MUC22: variants seen among roughly 807,000 people sequenced by gnomAD.
MUC22 encodes the protein mucin-22.
Under a neutral mutation model 40.3 loss-of-function variants are expected in MUC22, and 24 were observed. That is an observed-to-expected ratio of 0.60 (90% CI 0.43 to 0.84). The LOEUF (loss-of-function observed/expected upper bound fraction) is 0.84. Among genes scored for constraint, MUC22 ranks in the 40% least tolerant of loss-of-function variants. MUC22 has a pLI of 0.00. For missense variants in MUC22, 1,926 were observed against 2,130.7 expected (o/e 0.90, Z 1.89); for synonymous variants, 765 against 844.5 (o/e 0.91, Z 1.63).
At chr6:31,010,969 G>A (rs12203410) in intron 1 of MUC22, among the ~76,000 whole-genome samples, 193 bp downstream of exon 1, 25,950 of 148,912 alleles carry the variant, frequency 0.17, 2,593 homozygotes, top group African/African-American at 0.27. Flanking sequence ...TTCTGATGCT[G>A]TCTTAGAAGC....
At position 31,022,504 on chromosome 6, in the gene MUC22, A is replaced by T. The variant is rs185843131; in HGVS notation, c.71-2998A>T. Among the ~76,000 whole-genome samples the T allele has an allele frequency of 2.0e-4, 31 of 152,088 alleles. No individual in the cohort carries two copies. The East Asian group carries it at 4.6e-3, about 23-fold the overall frequency. On this transcript the variant is annotated intron_variant, in intron 1 of 3. Transcript: ENST00000561890. ...AGTTCTTCAGGAAGAAAAAATTTAG[A>T]TCTATGCAAAAAAGAATGAAGTGTG...
chr6:31,015,997 T>A lies in MUC22; in HGVS notation c.70+5221T>A, dbSNP rs1006864061. On this transcript the variant is annotated intron_variant, in intron 1 of 3. Transcript: ENST00000561890. ...TATTTCTTCTTCTGTCTTCCAACTCTGTCGTTTTATTTTTCTTCTGGGGAG... is the reference window on the plus strand; with the variant it reads ...TATTTCTTCTTCTGTCTTCCAACTCAGTCGTTTTATTTTTCTTCTGGGGAG... 1.1e-3 allele frequency among the ~76,000 whole-genome samples: 163 copies of A among 152,260 alleles called. 1 individual carries two copies. The highest frequency in any genetic ancestry group is 3.8e-3 in the African/African-American group (158 of 41,568).
intron 1 of MUC22, among the ~76,000 whole-genome samples, chr6:31,022,495 A>G (rs1040505973): frequency 6.6e-6 from 1 of 152,136 alleles, no homozygotes; most frequent in Non-Finnish European, 1.5e-5. Context: ...TCAGGAAGAA[A>G]AAATTTAGAT....
chr6:31,025,420 G>T, intron 1 of MUC22, 82 bp from the exon 2 acceptor site: 1 of 1,366,284 alleles, frequency 7.3e-7, no homozygotes, highest in Non-Finnish European at 9.7e-7. Context: ...GAAGTACTGA[G>T]TATATGTGAA....
chr6:31,021,534 G>A (rs796926032), intron 1 of MUC22, among the ~76,000 whole-genome samples: 106 of 127,360 alleles, frequency 8.3e-4, no homozygotes, highest in African/African-American at 1.5e-3. Context: ...TCGGCACTCT[G>A]TATCTAGCTC....
At position 31,032,401 on chromosome 6, in the gene MUC22, C is replaced by A. The variant is rs1404552427; in HGVS notation, c.4875C>A (p.Thr1625=). Residue 1625 remains threonine (T), a synonymous_variant, in exon 3 of 4, where the codon ACC becomes ACA. Coordinates refer to ENST00000561890, the Ensembl canonical transcript of MUC22. The surrounding 1 kb of genome is among the most constrained non-coding windows in gnomAD (Gnocchi z 4.1). ...CCACAGGATCCACCCGTGAGCCAAC[C>A]AGCAGCACCTTCCAGGAAACAGGCC... 6.5e-7 allele frequency: 1 copy of A among 1,535,748 alleles called. No individual in the cohort carries two copies. Among genetic ancestry groups the A allele is most frequent in the Non-Finnish European group, 8.7e-7 (1 of 1,146,914 alleles).
upstream of MUC22, among the ~76,000 whole-genome samples, chr6:31,008,635 G>A (rs1763669194): frequency 6.7e-6 from 1 of 148,946 alleles, no homozygotes; most frequent in African/African-American, 2.5e-5. Flanking sequence ...TACAACCTCT[G>A]CCTCCCGGGT....
At chr6:31,030,516 C>A (rs375419772) in intron 2 of MUC22, among the ~76,000 whole-genome samples, 125 of 127,434 alleles carry the variant, frequency 9.8e-4, no homozygotes, top group South Asian at 1.8e-3. Flanking sequence ...GACTCCGTCT[C>A]AAAAAAAAAA....
chr6:31,024,140 TA>T (rs1765084593), intron 1 of MUC22, among the ~76,000 whole-genome samples: 1 of 148,086 alleles, frequency 6.8e-6, no homozygotes, highest in African/African-American at 2.5e-5. Flanking sequence ...CTTCAAAGGT[TA>T]AAAGTTATGA....
intron 1 of MUC22, among the ~76,000 whole-genome samples, chr6:31,022,793 GAA>G (rs9278840): frequency 0.14 from 22,006 of 151,898 alleles, 1,735 homozygotes; most frequent in African/African-American, 0.19. Flanking sequence ...ACACAAATAA[GAA>G]TGATATTTAA....
intron 2 of MUC22, among the ~76,000 whole-genome samples, chr6:31,031,402 C>T (rs1470464209): frequency 2.0e-5 from 3 of 152,206 alleles, no homozygotes; most frequent in African/African-American, 7.2e-5. Flanking sequence ...TCCAATTCTA[C>T]CATCTCCTCC....
rs1233879595 is a variant in MUC22, at chr6:31,027,188, T to C, written c.1757T>C (p.Ile586Thr). 1.3e-6 allele frequency: 2 copies of C among 1,484,854 alleles called. 1 individual carries two copies. Among genetic ancestry groups the C allele is most frequent in the Non-Finnish European group, 1.8e-6 (2 of 1,118,376 alleles). The allele number at this position is 1,484,854 out of a possible 1,614,324, so 92.0% of individuals were successfully genotyped here. A position where few individuals can be genotyped will look rare whatever the true frequency, so the allele number is the denominator to read the frequency against. The change falls in exon 2 of 4, where the codon ATC (isoleucine) becomes ACC (threonine). Residue 586 changes from isoleucine (I) to threonine (T), a missense_variant. By Grantham distance (89) the Ile-to-Thr change is moderately conservative (BLOSUM62 -1). Transcript: ENST00000561890. ...GTCTTTGCTGCAGGCTCTGAGACAA[T>C]CAGAGCCTCTACCGTAGGCTCTGAG... is the stretch of plus-strand genomic sequence containing the variant.
Position 31,026,593 on chromosome 6 carries a change from G to A in MUC22, c.1162G>A (p.Val388Ile), listed in dbSNP as rs138073256. Residue 388 changes from valine (V) to isoleucine (I), a missense_variant, in exon 2 of 4, where the codon GTC (valine) becomes ATC (isoleucine). Transcript: ENST00000561890. ...CTCTACTACAAGCTCTGAGACCACC[G>A]TCACCTCTACTGCAGGCTCTGAGAC... is the stretch of plus-strand genomic sequence containing the variant. 1.9e-3 allele frequency: 2,876 copies of A among 1,494,698 alleles called. 281 individuals carry two copies. Among genetic ancestry groups the A allele is most frequent in the Admixed American group, 2.8e-3 (132 of 47,604 alleles). 92.6% of individuals were successfully genotyped at this position (1,494,698 alleles called of 1,614,324 possible).
At chr6:31,012,173 G>A (rs752232843) in intron 1 of MUC22, among the ~76,000 whole-genome samples, 6 of 152,096 alleles carry the variant, frequency 3.9e-5, no homozygotes, top group Non-Finnish European at 8.8e-5. Flanking sequence ...AGGATGGCTC[G>A]TCAAGAAGTG....
In MUC22 at chr6:31,016,893, GGCTGGCGTGGCCAGCACA is replaced by G. The variant is rs1207158793; in HGVS notation, c.70+6124_70+6141del. ...GGGGGGCCCCACACTCTGAGCCTCG[GGCTGGCGTGGCCAGCACA>G]GCTGGCCCCAGGCAGTGAGGAACTT... On this transcript the variant is annotated intron_variant, in intron 1 of 3. Transcript: ENST00000561890. 8.5e-5 allele frequency among the ~76,000 whole-genome samples: 13 copies of G among 152,364 alleles called. No individual in the cohort carries two copies. In the East Asian group the frequency reaches 1.5e-3, roughly 18 times the overall value.
chr6:31,029,622 A>T, exon 2 of MUC22: 1 of 1,535,430 alleles, frequency 6.5e-7, no homozygotes, highest in African/African-American at 1.4e-5. Context: ...AGATGACTAC[A>T]GTCTTTACCA....
chr6:31,029,554 G>T, exon 2 of MUC22: 2 of 1,514,118 alleles, frequency 1.3e-6, no homozygotes, highest in Non-Finnish European at 1.8e-6. Context: ...AGGCTCTGAG[G>T]CCACTACAGT....
At chr6:31,012,165 G>C (rs968321637) in intron 1 of MUC22, among the ~76,000 whole-genome samples, 1 of 152,138 alleles carries the variant, frequency 6.6e-6, no homozygotes, top group African/African-American at 2.4e-5. Flanking sequence ...TTTACTGTAG[G>C]ATGGCTCGTC....
chr6:31,021,841 C>T (rs971284949), intron 1 of MUC22, among the ~76,000 whole-genome samples: 5 of 152,108 alleles, frequency 3.3e-5, no homozygotes, highest in South Asian at 2.1e-4. Flanking sequence ...TGGCAACCTG[C>T]TTGGGTCGTT....
Sources: gnomAD v4.1 joint callset for allele counts (sites outside exome capture counted in the v4.1 genomes callset) on GRCh38, gnomAD v4.1.1 for gene constraint, Gnocchi (gnomAD v3.1) non-coding constraint, MANE v1.5 for transcripts, NCBI Gene and HGNC (gene_info 2026-07-23, HGNC 2026-07-21) for gene names.